ZNF277: variants seen among roughly 807,000 people sequenced by gnomAD.
ZNF277 encodes the protein zinc finger protein 277, also known as nuclear receptor-interacting factor 4.
Under a neutral mutation model 60.7 loss-of-function variants are expected in ZNF277, and 55 were observed. That is an observed-to-expected ratio of 0.91 (90% CI 0.73 to 1.13). The LOEUF (loss-of-function observed/expected upper bound fraction) is 1.13. Ranked by LOEUF, ZNF277 falls within the 50% of genes most tolerant of loss-of-function variation. The pLI, the probability that ZNF277 is intolerant of heterozygous loss-of-function variation, is 0.00. For synonymous variants in ZNF277, 178 were observed against 179.3 expected, an observed-to-expected ratio of 0.99 and a Z score of 0.06; for missense variants, 510 against 523.0, an observed-to-expected ratio of 0.98 and a Z score of 0.24.
Position 112,343,016 on chromosome 7 carries a change from A to G in ZNF277, c.*287A>G, listed in dbSNP as rs1047550. On this transcript the variant is annotated 3_prime_UTR_variant, in exon 12 of 12. Transcript: ENST00000361822. ...TAAATTATCTCACTTCATTAAACTC[A>G]TAATTATATATAGAAGTATATGTCA... 9,932 of 196,422 alleles carry G rather than the reference A, an allele frequency of 0.051. 347 individuals are homozygous for G. Among genetic ancestry groups the G allele is most frequent in the Admixed American group, 0.12 (2,116 of 17,066 alleles). The allele number at this position is 196,422 out of a possible 1,614,324, so 12.2% of individuals were successfully genotyped here.
At chr7:112,315,585 G>A (rs1211436324) in intron 4 of ZNF277, among the ~76,000 whole-genome samples, 1 of 152,134 alleles carries the variant, frequency 6.6e-6, no homozygotes, top group Non-Finnish European at 1.5e-5. Flanking sequence ...ATTGTTCACA[G>A]CAAAGACCCT....
intron 1 of ZNF277, among the ~76,000 whole-genome samples, chr7:112,245,112 C>G (rs1289776989): frequency 1.3e-5 from 2 of 152,184 alleles, no homozygotes; most frequent in Non-Finnish European, 2.9e-5. Flanking sequence ...CTAGCCTTCC[C>G]TTCAGAAACT....
At chr7:112,271,127 T>C (rs1000452056) in intron 1 of ZNF277, among the ~76,000 whole-genome samples, 1 of 152,152 alleles carries the variant, frequency 6.6e-6, no homozygotes, top group Non-Finnish European at 1.5e-5. Flanking sequence ...TCAGATTAAC[T>C]GCTGGCAGAA....
chr7:112,315,436 G>A (rs1264947385), intron 4 of ZNF277, among the ~76,000 whole-genome samples: 4 of 152,066 alleles, frequency 2.6e-5, no homozygotes, highest in Non-Finnish European at 5.9e-5. Context: ...AAAAGCTTCA[G>A]TGAATAAAGG....
intron 4 of ZNF277, among the ~76,000 whole-genome samples, chr7:112,308,525 A>G (rs1188353072): frequency 4.6e-5 from 7 of 151,930 alleles, no homozygotes; most frequent in African/African-American, 1.7e-4. Flanking sequence ...TTAAAAAAAA[A>G]TTGAAAAAAT....
At chr7:112,226,125 C>G (rs550014614) in intron 1 of ZNF277, among the ~76,000 whole-genome samples, 16 of 152,080 alleles carry the variant, frequency 1.1e-4, no homozygotes, top group Non-Finnish European at 2.1e-4. Context: ...AGTTATCTCC[C>G]CCTTATTTAT....
chr7:112,219,006 T>C (rs1033798025), intron 1 of ZNF277, among the ~76,000 whole-genome samples: 3 of 152,236 alleles, frequency 2.0e-5, no homozygotes, highest in Non-Finnish European at 4.4e-5. Context: ...TTGGATCATA[T>C]GGTAATTCTA....
chr7:112,277,076 G>GTTT (rs1791815366), intron 1 of ZNF277, among the ~76,000 whole-genome samples: 2 of 119,560 alleles, frequency 1.7e-5, no homozygotes, highest in African/African-American at 7.7e-5. Flanking sequence ...AGAATCTGTT[G>GTTT]ATTTTTTTTT....
intron 1 of ZNF277, among the ~76,000 whole-genome samples, chr7:112,278,183 C>T (rs1226234591): frequency 6.6e-6 from 1 of 152,120 alleles, no homozygotes; most frequent in African/African-American, 2.4e-5. Context: ...GCAGAAATAA[C>T]AAAGTGATGA....
intron 1 of ZNF277, among the ~76,000 whole-genome samples, chr7:112,231,613 CTT>C (rs112087784): frequency 4.2e-5 from 6 of 144,328 alleles, no homozygotes; most frequent in Admixed American, 6.9e-5. Context: ...CCCATCCTCC[CTT>C]TTTTTTTTTG....
At chr7:112,220,543 ACT>A (rs1455450162) in intron 1 of ZNF277, among the ~76,000 whole-genome samples, 31 of 152,326 alleles carry the variant, frequency 2.0e-4, no homozygotes, top group African/African-American at 7.2e-4. Flanking sequence ...GGGCTTCAAT[ACT>A]GTGGTGAATA....
intron 1 of ZNF277, among the ~76,000 whole-genome samples, chr7:112,268,337 G>C (rs545771951): frequency 3.7e-4 from 56 of 151,584 alleles, no homozygotes; most frequent in African/African-American, 1.3e-3. Context: ...CTGGAAAGCT[G>C]TAGGGCTTAA....
At chr7:112,219,465 T>C (rs1374098077) in intron 1 of ZNF277, among the ~76,000 whole-genome samples, 6 of 152,192 alleles carry the variant, frequency 3.9e-5, no homozygotes, top group Non-Finnish European at 8.8e-5. Context: ...ACACCATTTA[T>C]TGAAGAGATT....
At chr7:112,231,936 C>T (rs1822342695) in intron 1 of ZNF277, among the ~76,000 whole-genome samples, 1 of 151,522 alleles carries the variant, frequency 6.6e-6, no homozygotes, top group African/African-American at 2.4e-5. Flanking sequence ...GTATTTTCTA[C>T]TTCATGAGGA....
chr7:112,215,096 T>C (rs1821846720), intron 1 of ZNF277, among the ~76,000 whole-genome samples: 1 of 152,204 alleles, frequency 6.6e-6, no homozygotes, highest in South Asian at 2.1e-4. Flanking sequence ...CAAGAGGCAG[T>C]AGCGAGTACA....
At chr7:112,228,370 C>T (rs1368841007) in intron 1 of ZNF277, among the ~76,000 whole-genome samples, 1 of 151,184 alleles carries the variant, frequency 6.6e-6, no homozygotes, top group Non-Finnish European at 1.5e-5. Context: ...ATATATCACC[C>T]ATATTTCTAT....
At chr7:112,250,162 C>T (rs1255614541) in intron 1 of ZNF277, among the ~76,000 whole-genome samples, 9 of 152,016 alleles carry the variant, frequency 5.9e-5, no homozygotes, top group African/African-American at 1.4e-4. Context: ...GCCCCCCGGG[C>T]GTTTAGTCTC....
intron 2 of ZNF277, among the ~76,000 whole-genome samples, chr7:112,293,355 T>C (rs1380786905): frequency 1.3e-5 from 2 of 152,062 alleles, no homozygotes; most frequent in Non-Finnish European, 2.9e-5. Context: ...GACGGGCAGA[T>C]TGCTTGAGCT....
intron 9 of ZNF277, among the ~76,000 whole-genome samples, chr7:112,338,966 C>T (rs1252827878): frequency 2.6e-5 from 4 of 152,198 alleles, no homozygotes; most frequent in African/African-American, 9.7e-5. Flanking sequence ...TAGGTTAAAA[C>T]ATTTACACAG....
Sources: gnomAD v4.1 joint callset for allele counts (sites outside exome capture counted in the v4.1 genomes callset) on GRCh38, gnomAD v4.1.1 for gene constraint, MANE v1.5 for transcripts, NCBI Gene and HGNC (gene_info 2026-07-23, HGNC 2026-07-21) for gene names.